MED13: variants seen among roughly 807,000 people sequenced by gnomAD.
MED13 encodes mediator of RNA polymerase II transcription subunit 13.
In MED13, 23 loss-of-function variants were observed where a neutral mutation model predicts 225.2. The observed-to-expected ratio is 0.10, with a 90% CI of 0.07 to 0.14. MED13 has a LOEUF of 0.14. MED13 is among the 10% of genes least tolerant of loss of function. The pLI is 1.00. For missense variants in MED13, 2,197 were observed against 2,594.5 expected (o/e 0.85, Z 3.33); for synonymous variants, 942 against 889.2 (o/e 1.06, Z -1.06).
chr17:62,022,174 A>AAAAAT (rs1555640205), intron 8 of MED13, among the ~76,000 whole-genome samples: 1 of 141,278 alleles, frequency 7.1e-6, no homozygotes, highest in Admixed American at 7.1e-5. Context: ...TCAAAAAAAA[A>AAAAAT]ATATATATAT....
intron 3 of MED13, among the ~76,000 whole-genome samples, chr17:62,040,375 A>C (rs1290511917): frequency 6.6e-6 from 1 of 152,232 alleles, no homozygotes; most frequent in Non-Finnish European, 1.5e-5. Flanking sequence ...AGAATTTTAT[A>C]AATGAAACTT....
intron 3 of MED13, among the ~76,000 whole-genome samples, chr17:62,038,787 T>C (rs2080827896): frequency 6.6e-6 from 1 of 151,956 alleles, no homozygotes; most frequent in African/African-American, 2.4e-5. Flanking sequence ...TCTCACCCTC[T>C]TGAGTAGCTG....
chr17:62,033,688 A>G, intron 5 of MED13, 99 bp downstream of exon 5: 1 of 1,123,776 alleles, frequency 8.9e-7, no homozygotes, highest in Non-Finnish European at 1.3e-6. Context: ...TTGGTGTTGA[A>G]AGCCACTGAG....
chr17:62,007,521 A>G (rs1305169738), intron 9 of MED13: 1 of 152,118 alleles, frequency 6.6e-6, no homozygotes, highest in African/African-American at 2.4e-5. Flanking sequence ...AGAAATAGAG[A>G]ATTTCCAAAT....
Position 62,050,782 on chromosome 17 carries a change from T to C in MED13, c.470+1755A>G, listed in dbSNP as rs1004669025. On this transcript the variant is annotated intron_variant, in intron 3 of 29. Transcript: ENST00000397786. ...ACTTTAGGAGGCCGAGGCGGGTGGATTGCCTGAGCTCAGGAGTTCAAGACA... is the reference window on the plus strand; with the variant it reads ...ACTTTAGGAGGCCGAGGCGGGTGGACTGCCTGAGCTCAGGAGTTCAAGACA... Among the ~76,000 whole-genome samples the C allele has an allele frequency of 5.9e-5, 9 of 152,230 alleles. No homozygotes were observed. In the South Asian group the frequency reaches 1.2e-3, roughly 21 times the overall value.
chr17:62,016,451 T>C (rs2080582450), intron 8 of MED13, among the ~76,000 whole-genome samples: 1 of 152,154 alleles, frequency 6.6e-6, no homozygotes, highest in African/African-American at 2.4e-5. Flanking sequence ...TAATATTGAA[T>C]AGAAATTCAT....
chr17:62,012,767 G>T (rs980929181), intron 8 of MED13, among the ~76,000 whole-genome samples: 20 of 151,728 alleles, frequency 1.3e-4, no homozygotes, highest in African/African-American at 4.8e-4. Flanking sequence ...GCACTTATTT[G>T]AAAAACTCTG....
intron 2 of MED13, 144 bp downstream of exon 2, chr17:62,062,923 G>A: frequency 3.3e-6 from 2 of 599,120 alleles, no homozygotes; most frequent in South Asian, 2.5e-5. Context: ...AATAATCATG[G>A]TGAAATAAAA....
At chr17:61,964,862 G>A (rs1329193809) in intron 20 of MED13, 144 bp downstream of exon 20, 2 of 733,884 alleles carry the variant, frequency 2.7e-6, no homozygotes, top group South Asian at 2.0e-5. Flanking sequence ...CTTGAACTCG[G>A]GAGGCAGAGG....
Position 61,978,685 on chromosome 17 carries a change from T to TGCTA in MED13, c.3805+3509_3805+3512dup, listed in dbSNP as rs538114755. ...GTGCTAGAGTCATGGTAGTATATAG[T>TGCTA]GCTAGAGTCATGTTTCAAACCCAGG... On this transcript the variant is annotated intron_variant, in intron 16 of 29. Transcript: ENST00000397786. Among the ~76,000 whole-genome samples the TGCTA allele has an allele frequency of 1.6e-3, 238 of 152,278 alleles. 2 individuals carry two copies. The highest frequency in any genetic ancestry group is 5.4e-3 in the African/African-American group (223 of 41,552).
rs1196705302 is a variant in MED13, at chr17:62,011,203, T to C, written c.1314A>G (p.Gly438=). Residue 438 remains glycine, a synonymous_variant, in exon 9 of 30, where the codon GGA becomes GGG. Coordinates refer to ENST00000397786, the MANE Select transcript of MED13 (RefSeq NM_005121.3). ...RHKNLKSRNA[G]QQGQAPSLGQ... is the part of the protein sequence containing the mutation. ...CTAAAGATGGTGCCTGTCCTTGTTG[T>C]CCAGCATTTCTTGACTTGAGATTTT... 7 of 1,608,998 alleles carry C rather than the reference T, an allele frequency of 4.4e-6. No homozygotes were observed. In the South Asian group the frequency reaches 7.8e-5, roughly 18 times the overall value.
At chr17:61,974,387 C>A (rs989921132) in intron 16 of MED13, among the ~76,000 whole-genome samples, 1 of 152,062 alleles carries the variant, frequency 6.6e-6, no homozygotes, top group African/African-American at 2.4e-5. Flanking sequence ...GCCTGGACAA[C>A]AGAGCGAGAC....
At chr17:62,033,752 AT>A (rs2080777895) in intron 5 of MED13, 34 bp downstream of exon 5, 1 of 1,593,070 alleles carries the variant, frequency 6.3e-7, no homozygotes, top group South Asian at 1.1e-5. Flanking sequence ...ACAATCATGC[AT>A]TTTCCCCTTA....
At chr17:61,996,737 T>C (rs2080350106) in intron 9 of MED13, among the ~76,000 whole-genome samples, 1 of 152,204 alleles carries the variant, frequency 6.6e-6, no homozygotes. Flanking sequence ...CTTACCCTGC[T>C]CTATTTTCCT....
At chr17:61,954,965 T>C (rs2079929390) in intron 26 of MED13, among the ~76,000 whole-genome samples, 2 of 152,172 alleles carry the variant, frequency 1.3e-5, no homozygotes, top group African/African-American at 4.8e-5. Flanking sequence ...CTGAAATCAG[T>C]TTCGTTGGAC....
Position 61,961,924 on chromosome 17 carries a change from T to C in MED13, c.5065-145A>G, listed in dbSNP as rs1603392139. On this transcript the variant is annotated intron_variant, in intron 21 of 29. Transcript: ENST00000397786. The stretch of plus-strand genomic sequence containing the variant: ...AAAATTTAACGATTGTTTTCTTATC[T>C]ATTATGTAGGCTTTTAATAAGTAGC... 3.8e-6 allele frequency: 3 copies of C among 792,702 alleles called. No homozygotes were observed. In the South Asian group the frequency reaches 5.4e-5, roughly 14 times the overall value. 49.1% of individuals were successfully genotyped at this position (792,702 alleles called of 1,614,324 possible).
chr17:62,059,440 T>C (rs1297031157), intron 2 of MED13, among the ~76,000 whole-genome samples: 1 of 152,192 alleles, frequency 6.6e-6, no homozygotes, highest in Non-Finnish European at 1.5e-5. Context: ...CAAGATGTGG[T>C]GTGTGCTGAA....
At chr17:62,005,729 ATTT>A (rs1168720561) in intron 9 of MED13, 1 of 152,234 alleles carries the variant, frequency 6.6e-6, no homozygotes. Flanking sequence ...ATTTACTATT[ATTT>A]TTTAAGAGAC....
At position 61,972,833 on chromosome 17, in the gene MED13, T is replaced by G; in HGVS notation, c.3861A>C (p.Pro1287=). ...TTTTCTGAATGGCATCCTGAAGAACTGGCTGAAGAGAGAGGAGCATTCGAA... is the reference window on the plus strand; with the variant it reads ...TTTTCTGAATGGCATCCTGAAGAACGGGCTGAAGAGAGAGGAGCATTCGAA... ...DILRMLLSLQ[P]VLQDAIQKKR... The change falls in exon 17 of 30, where the codon CCA becomes CCC. Residue 1287 remains proline (P), a synonymous_variant. Transcript: ENST00000397786. The G allele has an allele frequency of 6.2e-7, 1 of 1,614,030 alleles. No individual in the cohort carries two copies. Among genetic ancestry groups the G allele is most frequent in the Non-Finnish European group, 8.5e-7 (1 of 1,179,984 alleles).
Sources: gnomAD v4.1 joint callset for allele counts (sites outside exome capture counted in the v4.1 genomes callset) on GRCh38, gnomAD v4.1.1 for gene constraint, MANE v1.5 for transcripts, NCBI Gene and HGNC (gene_info 2026-07-23, HGNC 2026-07-21) for gene names.